The following OPCML variants were observed in gnomAD, a reference collection of about 807,000 sequenced individuals.
OPCML encodes opioid-binding protein/cell adhesion molecule.
A neutral mutation model predicts 37.8 loss-of-function variants in OPCML; 13 were observed. The observed-to-expected ratio is 0.34, with a 90% CI of 0.22 to 0.55. The LOEUF (loss-of-function observed/expected upper bound fraction) is 0.55, where lower values mean the gene tolerates loss of function less well. OPCML is among the 20% of genes least tolerant of loss of function. OPCML has a pLI of 0.91. For missense variants in OPCML, 341 were observed against 435.6 expected (o/e 0.78, Z 1.93); for synonymous variants, 176 against 168.8 (o/e 1.04, Z -0.33).
At chr11:132,975,771 T>C (rs1375513867) in intron 1 of OPCML, among the ~76,000 whole-genome samples, 2 of 151,992 alleles carry the variant, frequency 1.3e-5, no homozygotes, top group Admixed American at 6.5e-5. Flanking sequence ...TACCTTCTCC[T>C]GTCTTCTTTT....
At chr11:132,596,343 T>C (rs2096492408) in intron 3 of OPCML, among the ~76,000 whole-genome samples, 1 of 152,184 alleles carries the variant, frequency 6.6e-6, no homozygotes, top group Non-Finnish European at 1.5e-5. Flanking sequence ...TCTATGTGTC[T>C]CCCTCCTTTC....
At chr11:133,044,899 C>T (rs1331447246) in intron 1 of OPCML, among the ~76,000 whole-genome samples, 1 of 152,178 alleles carries the variant, frequency 6.6e-6, no homozygotes, top group African/African-American at 2.4e-5. Context: ...ACCACTCTCT[C>T]ATTTCCAAAT....
In OPCML at chr11:132,818,433, C is replaced by T. The variant is rs148451528; in HGVS notation, c.146+124493G>A. 7.6e-4 allele frequency among the ~76,000 whole-genome samples: 116 copies of T among 151,938 alleles called. 2 individuals are homozygous for T. In the Middle Eastern group the frequency reaches 0.01, roughly 13 times the overall value. ...CTGAATAAAACAAAAGACTCACGAT[C>T]TAGCGCAAGAGGGCATGCTGTCAGC... On this transcript the variant is annotated intron_variant, in intron 2 of 7. Coordinates refer to ENST00000524381, the MANE Select transcript of OPCML (RefSeq NM_001012393.5).
intron 1 of OPCML, among the ~76,000 whole-genome samples, chr11:133,517,115 G>T (rs1051961110): frequency 1.3e-5 from 2 of 152,166 alleles, no homozygotes; most frequent in Non-Finnish European, 2.9e-5. Context: ...CACGTGGCAC[G>T]ACTCTCTGCA....
At chr11:132,436,292 C>T in intron 6 of OPCML, 55 bp from the exon 7 acceptor site, 1 of 1,612,114 alleles carries the variant, frequency 6.2e-7, no homozygotes. Context: ...CCCTCCTCCT[C>T]ACCAAACTCT....
At chr11:132,876,653 T>A (rs562854369) in intron 2 of OPCML, among the ~76,000 whole-genome samples, 1 of 152,306 alleles carries the variant, frequency 6.6e-6, no homozygotes, top group Middle Eastern at 3.4e-3. Context: ...ATATCTAATA[T>A]AAATGTCCCA....
intron 4 of OPCML, among the ~76,000 whole-genome samples, chr11:132,515,629 G>A (rs2096277982): frequency 6.6e-6 from 1 of 152,186 alleles, no homozygotes; most frequent in Non-Finnish European, 1.5e-5. Flanking sequence ...AGACTGGAGA[G>A]CCCACTCTAG....
intron 1 of OPCML, among the ~76,000 whole-genome samples, chr11:133,037,145 T>C (rs1481804805): frequency 6.6e-6 from 1 of 152,164 alleles, no homozygotes; most frequent in Non-Finnish European, 1.5e-5. Flanking sequence ...TCAAAAGCCA[T>C]GGCTGAATCA....
At chr11:132,587,589 G>C (rs74743952) in intron 3 of OPCML, among the ~76,000 whole-genome samples, 1,881 of 152,270 alleles carry the variant, frequency 0.012, 83 homozygotes, top group East Asian at 0.12. Flanking sequence ...CTATTCATGC[G>C]TGAGCCTGAG....
chr11:132,506,865 T>C (rs1250925927), intron 4 of OPCML, among the ~76,000 whole-genome samples: 1 of 151,706 alleles, frequency 6.6e-6, no homozygotes, highest in Non-Finnish European at 1.5e-5. Flanking sequence ...AACAAACACA[T>C]CAGTTTTAAT....
intron 4 of OPCML, among the ~76,000 whole-genome samples, chr11:132,480,133 A>G (rs1260279533): frequency 3.3e-5 from 5 of 152,164 alleles, no homozygotes; most frequent in African/African-American, 1.2e-4. Flanking sequence ...AAAATTTAGA[A>G]GAATGTATAA....
At chr11:132,773,818 T>C (rs1259496616) in intron 2 of OPCML, among the ~76,000 whole-genome samples, 1 of 152,168 alleles carries the variant, frequency 6.6e-6, no homozygotes, top group Non-Finnish European at 1.5e-5. Context: ...TCTTTGCCCA[T>C]TTCTGCATGT....
chr11:132,639,075 G>T lies in OPCML; in HGVS notation c.379+18012C>A, dbSNP rs569077889. ...GTGATGATTATTTTCTTCAAAGAGAGCTCTACACCCTTGCATTCAAAAGAT... is the reference window on the plus strand; with the variant it reads ...GTGATGATTATTTTCTTCAAAGAGATCTCTACACCCTTGCATTCAAAAGAT... On this transcript the variant is annotated intron_variant, in intron 3 of 7. Coordinates refer to ENST00000524381, the MANE Select transcript of OPCML (RefSeq NM_001012393.5). Among the ~76,000 whole-genome samples the T allele has an allele frequency of 5.1e-4, 78 of 152,192 alleles. No homozygotes were observed. The South Asian group carries it at 0.016, about 32-fold the overall frequency.
intron 1 of OPCML, among the ~76,000 whole-genome samples, chr11:133,161,537 G>T (rs1950141637): frequency 6.6e-6 from 1 of 152,184 alleles, no homozygotes; most frequent in South Asian, 2.1e-4. Context: ...AGGCTGGCAG[G>T]ACAGCTTAGG....
intron 3 of OPCML, among the ~76,000 whole-genome samples, chr11:132,646,814 C>T (rs1941173852): frequency 6.6e-6 from 1 of 151,944 alleles, no homozygotes; most frequent in African/African-American, 2.4e-5. Context: ...AAGGGATACC[C>T]AAGTTGAGGA....
intron 1 of OPCML, among the ~76,000 whole-genome samples, chr11:133,405,636 G>T (rs1420364404): frequency 1.3e-5 from 2 of 152,086 alleles, no homozygotes; most frequent in East Asian, 3.9e-4. Context: ...GCGTGATCTG[G>T]CTCTAGCGCT....
At chr11:133,172,294 A>G (rs981595920) in intron 1 of OPCML, among the ~76,000 whole-genome samples, 8 of 152,206 alleles carry the variant, frequency 5.3e-5, no homozygotes, top group Admixed American at 5.2e-4. Context: ...CATTTGCCAT[A>G]CAATATGCTA....
chr11:132,662,577 C>A (rs943079355), intron 2 of OPCML, among the ~76,000 whole-genome samples: 2 of 152,106 alleles, frequency 1.3e-5, no homozygotes, highest in Non-Finnish European at 2.9e-5. Context: ...GTATGTATGT[C>A]TAGATATATT....
intron 3 of OPCML, among the ~76,000 whole-genome samples, chr11:132,613,541 A>C (rs1938797313): frequency 6.6e-6 from 1 of 152,212 alleles, no homozygotes; most frequent in Non-Finnish European, 1.5e-5. Context: ...TGTCCCAAGA[A>C]ACACTTCAAA....
Sources: gnomAD v4.1 joint callset for allele counts (sites outside exome capture counted in the v4.1 genomes callset) on GRCh38, gnomAD v4.1.1 for gene constraint, MANE v1.5 for transcripts, NCBI Gene and HGNC (gene_info 2026-07-23, HGNC 2026-07-21) for gene names.